Variants in OXSR1 observed in about 807,000 individuals in gnomAD.
The protein encoded by OXSR1 is oxidative stress responsive kinase 1.
A neutral mutation model predicts 79.8 loss-of-function variants in OXSR1; 24 were observed. The ratio of observed to expected loss-of-function variants is 0.30; its 90% CI spans 0.22 to 0.42. The LOEUF (loss-of-function observed/expected upper bound fraction) is 0.42, where lower values mean the gene tolerates loss of function less well. Among genes scored for constraint, OXSR1 ranks in the 10% least tolerant of loss-of-function variants. The pLI, the probability that OXSR1 is intolerant of heterozygous loss-of-function variation, is 1.00. For missense variants in OXSR1, 430 were observed against 618.4 expected (o/e 0.70, Z 3.23); for synonymous variants, 226 against 209.2 (o/e 1.08, Z -0.69).
At chr3:38,229,411 A>G (rs1471197293) in intron 8 of OXSR1, among the ~76,000 whole-genome samples, 1 of 151,942 alleles carries the variant, frequency 6.6e-6, no homozygotes, top group Non-Finnish European at 1.5e-5. Flanking sequence ...ATTAGACTCT[A>G]TTAAGAAATC....
chr3:38,237,431 A>T (rs1037812856), intron 11 of OXSR1, among the ~76,000 whole-genome samples: 1 of 152,128 alleles, frequency 6.6e-6, no homozygotes, highest in Non-Finnish European at 1.5e-5. Context: ...CTTTTGGTTC[A>T]TTTCATCACT....
intron 5 of OXSR1, among the ~76,000 whole-genome samples, chr3:38,220,987 T>C (rs1164601779): frequency 6.6e-6 from 1 of 152,224 alleles, no homozygotes; most frequent in African/African-American, 2.4e-5. Flanking sequence ...AGTTTACCAA[T>C]GTCATACATC....
intron 5 of OXSR1, among the ~76,000 whole-genome samples, chr3:38,216,637 A>G (rs1702487519): frequency 6.6e-6 from 1 of 152,118 alleles, no homozygotes. Context: ...GGGCCTACCA[A>G]AAGTGGCTAT....
chr3:38,229,814 T>C, intron 9 of OXSR1, 79 bp downstream of exon 9: 5 of 1,093,768 alleles, frequency 4.6e-6, no homozygotes, highest in Non-Finnish European at 7.0e-6. Context: ...TGCTTAGAAG[T>C]TGGATGATTA....
chr3:38,175,794 G>A (rs558119639), intron 1 of OXSR1, among the ~76,000 whole-genome samples: 7 of 152,296 alleles, frequency 4.6e-5, no homozygotes, highest in East Asian at 3.9e-4. Flanking sequence ...GTAGGCTAAC[G>A]TTGGTTGCAG....
At chr3:38,211,967 G>A (rs184065235) in intron 4 of OXSR1, among the ~76,000 whole-genome samples, 131 of 152,304 alleles carry the variant, frequency 8.6e-4, no homozygotes, top group Admixed American at 1.8e-3. Context: ...CATTTAGCTG[G>A]AATGGGAATT....
intron 1 of OXSR1, among the ~76,000 whole-genome samples, chr3:38,171,450 A>G (rs1450872711): frequency 1.3e-5 from 2 of 152,218 alleles, no homozygotes; most frequent in Non-Finnish European, 2.9e-5. Context: ...AATCAGTGTA[A>G]TGGTGTCATC....
At chr3:38,185,113 C>T (rs1575316814) in intron 2 of OXSR1, among the ~76,000 whole-genome samples, 1 of 149,086 alleles carries the variant, frequency 6.7e-6, no homozygotes, top group African/African-American at 2.5e-5. Flanking sequence ...CAGAGTAAGA[C>T]TCCATCTCTG....
In OXSR1 at chr3:38,198,970, G is replaced by A. The variant is rs1485799591; in HGVS notation, c.434+107G>A. 4 of 880,118 alleles carry A rather than the reference G, an allele frequency of 4.5e-6. No individual in the cohort carries two copies. The African/African-American group carries it at 6.6e-5, about 15-fold the overall frequency. 54.5% of individuals were successfully genotyped at this position (880,118 alleles called of 1,614,324 possible). A position where few individuals can be genotyped will look rare whatever the true frequency, so the allele number is the denominator to read the frequency against. On this transcript the variant is annotated intron_variant, in intron 4 of 17. Coordinates refer to ENST00000311806, the MANE Select transcript of OXSR1 (RefSeq NM_005109.3). ...GTTATCATAGCTCTTTGTATCACTA[G>A]TTTTAGTACACTGTGGTTAGAGTCT... is the stretch of plus-strand genomic sequence containing the variant.
At chr3:38,191,196 C>T (rs1405234892) in intron 3 of OXSR1, among the ~76,000 whole-genome samples, 1 of 152,034 alleles carries the variant, frequency 6.6e-6, no homozygotes, top group Non-Finnish European at 1.5e-5. Context: ...CAGGCATGTA[C>T]CACCATGCTC....
chr3:38,197,828 GT>G (rs1157341166), intron 3 of OXSR1, among the ~76,000 whole-genome samples: 1 of 152,196 alleles, frequency 6.6e-6, no homozygotes, highest in Non-Finnish European at 1.5e-5. Context: ...GTAAGCAGTT[GT>G]TTTGATTTTA....
intron 5 of OXSR1, among the ~76,000 whole-genome samples, chr3:38,221,243 T>TGGAGA (rs1241602919): frequency 1.3e-5 from 2 of 150,980 alleles, no homozygotes; most frequent in African/African-American, 4.9e-5. Flanking sequence ...TATGTGGGGG[T>TGGAGA]GGAGAGGAAT....
intron 7 of OXSR1, 66 bp from the exon 8 acceptor site, chr3:38,224,505 C>A: frequency 7.5e-7 from 1 of 1,328,326 alleles, no homozygotes; most frequent in Non-Finnish European, 1.0e-6. Flanking sequence ...ATTGAAAAAT[C>A]TTGACCACAA....
At chr3:38,211,166 C>T (rs1042460459) in intron 4 of OXSR1, among the ~76,000 whole-genome samples, 1 of 152,192 alleles carries the variant, frequency 6.6e-6, no homozygotes, top group Non-Finnish European at 1.5e-5. Flanking sequence ...ACTATTTGGG[C>T]TCGTTGGGCA....
At chr3:38,192,170 A>G (rs532404595) in intron 3 of OXSR1, among the ~76,000 whole-genome samples, 17 of 152,278 alleles carry the variant, frequency 1.1e-4, no homozygotes, top group Non-Finnish European at 2.5e-4. Context: ...TCTTTCCATC[A>G]GTTATACTCT....
intron 8 of OXSR1, among the ~76,000 whole-genome samples, chr3:38,227,576 C>CAT (rs1188909213): frequency 6.0e-5 from 9 of 151,154 alleles, no homozygotes; most frequent in South Asian, 2.1e-4. Context: ...CACACACACA[C>CAT]ACACACACAC....
chr3:38,170,568 A>G (rs1282598609), intron 1 of OXSR1, among the ~76,000 whole-genome samples: 1 of 152,010 alleles, frequency 6.6e-6, no homozygotes, highest in Non-Finnish European at 1.5e-5. Flanking sequence ...GTATGGTGTG[A>G]AGTAAGGTGA....
chr3:38,165,000 G>C (rs986840764), upstream of OXSR1: 2 of 152,322 alleles, frequency 1.3e-5, no homozygotes, highest in South Asian at 4.1e-4. Context: ...ACACCCTGTA[G>C]AGCCTTTCGC....
rs1305717539 is a variant in OXSR1, at chr3:38,171,919, G to A, written c.70+5973G>A. On this transcript the variant is annotated intron_variant, in intron 1 of 17. Transcript: ENST00000311806. ...TGACCCAGATTCAAATCCTGACATT[G>A]CCTCTTACTAGTTATGTGATCTTAG... Among the ~76,000 whole-genome samples, 5 of 152,280 alleles carry A rather than the reference G, an allele frequency of 3.3e-5. No homozygotes were observed. In the East Asian group the frequency reaches 7.7e-4, roughly 23 times the overall value.
Sources: allele counts gnomAD v4.1 joint callset (sites outside exome capture counted in the v4.1 genomes callset), GRCh38; gene constraint gnomAD v4.1.1; transcripts MANE v1.5; gene names NCBI Gene and HGNC (gene_info 2026-07-23, HGNC 2026-07-21).